Variants in ME3 observed in about 807,000 individuals in gnomAD.
The protein encoded by ME3 is NADP-dependent malic enzyme, mitochondrial.
In ME3, 48 loss-of-function variants were observed where a neutral mutation model predicts 68.9. That is an observed-to-expected ratio of 0.70 (90% confidence interval 0.55 to 0.89). The LOEUF (loss-of-function observed/expected upper bound fraction) is 0.89, where lower values mean the gene tolerates loss of function less well. Ranked by LOEUF, ME3 falls within the 40% of genes least tolerant of loss-of-function variation. The pLI is 0.00. For missense variants in ME3, 675 were observed against 797.4 expected, an observed-to-expected ratio of 0.85 and a Z score of 1.85; for synonymous variants, 320 against 318.8, an observed-to-expected ratio of 1.00 and a Z score of -0.04.
rs138510266 is a variant in ME3, at chr11:86,671,715, C to T, written c.183+47G>A. 17 of 1,587,576 alleles carry T rather than the reference C, an allele frequency of 1.1e-5. No individual in the cohort carries two copies. The East Asian group carries it at 3.9e-4, about 36-fold the overall frequency. The stretch of plus-strand genomic sequence containing the variant: ...CAGGGGGCGGGGCGCAATTTTCCGG[C>T]AGCCACGGGATCGCAACGCGGGCCG... On this transcript the variant is annotated intron_variant, in intron 2 of 14. Transcript: ENST00000543262.
intron 4 of ME3, among the ~76,000 whole-genome samples, 166 bp downstream of exon 4, chr11:86,556,387 C>T (rs542151927): frequency 6.0e-5 from 9 of 150,642 alleles, no homozygotes; most frequent in Middle Eastern, 3.4e-3. Flanking sequence ...TCTCTGCTTA[C>T]GGGGTCATTT....
At chr11:86,455,244 A>G (rs549762668) in intron 8 of ME3, among the ~76,000 whole-genome samples, 1 of 152,394 alleles carries the variant, frequency 6.6e-6, no homozygotes, top group South Asian at 2.1e-4. Flanking sequence ...AGATGAATCA[A>G]ACATGATCCC....
intron 2 of ME3, among the ~76,000 whole-genome samples, chr11:86,620,704 C>A (rs577093004): frequency 6.6e-6 from 1 of 152,188 alleles, no homozygotes; most frequent in Non-Finnish European, 1.5e-5. Flanking sequence ...ACCTTTATGC[C>A]TTCAAGAAGA....
intron 4 of ME3, among the ~76,000 whole-genome samples, chr11:86,517,193 G>A (rs549255063): frequency 2.8e-4 from 43 of 152,188 alleles, no homozygotes; most frequent in Non-Finnish European, 4.7e-4. Context: ...AGCACAGCCC[G>A]GTGACCTGCT....
rs111301996 is a variant in ME3 at position 86,619,661 on chromosome 11, A to G, written c.183+52101T>C. ...CCTCTGCCATGTAAGACGTGCTTCTACCTTCTGCCATGACTGTGAGACTTC... is the reference window on the plus strand; with the variant it reads ...CCTCTGCCATGTAAGACGTGCTTCTGCCTTCTGCCATGACTGTGAGACTTC... On this transcript the variant is annotated intron_variant, in intron 2 of 14. Transcript: ENST00000543262. Among the ~76,000 whole-genome samples, 500 of 152,292 alleles carry G rather than the reference A, an allele frequency of 3.3e-3. 3 individuals carry two copies. Among genetic ancestry groups the G allele is most frequent in the African/African-American group, 0.011 (452 of 41,546 alleles).
chr11:86,537,139 G>T (rs1955729067), intron 4 of ME3, among the ~76,000 whole-genome samples: 1 of 149,210 alleles, frequency 6.7e-6, no homozygotes. Context: ...ACTGTTGTGG[G>T]GTGGGGGGAT....
intron 2 of ME3, among the ~76,000 whole-genome samples, chr11:86,625,362 G>A (rs908019525): frequency 2.6e-5 from 4 of 151,742 alleles, no homozygotes; most frequent in Non-Finnish European, 5.9e-5. Flanking sequence ...AAGACCCCAA[G>A]GAACATCAAC....
At chr11:86,480,336 G>A (rs1951327134) in intron 7 of ME3, among the ~76,000 whole-genome samples, 1 of 152,190 alleles carries the variant, frequency 6.6e-6, no homozygotes, top group African/African-American at 2.4e-5. Flanking sequence ...CTCTTTGCTG[G>A]CAAAATGTAT....
chr11:86,482,519 T>C (rs1335388071), intron 7 of ME3, among the ~76,000 whole-genome samples: 1 of 151,468 alleles, frequency 6.6e-6, no homozygotes, highest in African/African-American at 2.4e-5. Context: ...GTCTCTGACA[T>C]TGGTGGCCCC....
At chr11:86,515,757 C>T (rs1024268238) in intron 4 of ME3, among the ~76,000 whole-genome samples, 1 of 152,088 alleles carries the variant, frequency 6.6e-6, no homozygotes, top group Non-Finnish European at 1.5e-5. Flanking sequence ...TCTCTGTATT[C>T]CACAGCTGGG....
intron 2 of ME3, among the ~76,000 whole-genome samples, chr11:86,600,082 G>C (rs1960329962): frequency 6.6e-6 from 1 of 152,098 alleles, no homozygotes; most frequent in Non-Finnish European, 1.5e-5. Flanking sequence ...ATAATGACAG[G>C]ATCAAATTCA....
At chr11:86,612,579 T>G (rs1487060270) in intron 2 of ME3, among the ~76,000 whole-genome samples, 1 of 152,220 alleles carries the variant, frequency 6.6e-6, no homozygotes, top group African/African-American at 2.4e-5. Flanking sequence ...CATCTATTGT[T>G]TCCAGACTTT....
chr11:86,617,045 G>GGTTTT (rs1943007630), intron 2 of ME3, among the ~76,000 whole-genome samples: 2 of 56,300 alleles, frequency 3.6e-5, no homozygotes, highest in African/African-American at 1.3e-4. Flanking sequence ...CAAGATAGTA[G>GGTTTT]TTTTTTTTTT....
At chr11:86,543,103 C>G (rs1321407595) in intron 4 of ME3, among the ~76,000 whole-genome samples, 1 of 152,156 alleles carries the variant, frequency 6.6e-6, no homozygotes, top group Non-Finnish European at 1.5e-5. Flanking sequence ...CAAGCAAATG[C>G]TGAGAGATTT....
chr11:86,531,669 A>C (rs1291173827), intron 4 of ME3, among the ~76,000 whole-genome samples: 4 of 152,226 alleles, frequency 2.6e-5, no homozygotes, highest in African/African-American at 7.2e-5. Flanking sequence ...CTATGCAGCC[A>C]TAAAAAATGA....
intron 4 of ME3, among the ~76,000 whole-genome samples, chr11:86,549,379 A>G (rs902405781): frequency 2.0e-5 from 3 of 152,078 alleles, no homozygotes; most frequent in African/African-American, 7.2e-5. Context: ...TTCCAGGTCT[A>G]TTACTTTCTG....
At chr11:86,518,377 CAT>C (rs1038225387) in intron 4 of ME3, among the ~76,000 whole-genome samples, 2 of 149,768 alleles carry the variant, frequency 1.3e-5, no homozygotes, top group African/African-American at 5.0e-5. Context: ...CTTGAATAAA[CAT>C]ACTTAACAAA....
chr11:86,481,590 G>T (rs1452712983), intron 7 of ME3, among the ~76,000 whole-genome samples: 3 of 152,094 alleles, frequency 2.0e-5, no homozygotes, highest in African/African-American at 7.2e-5. Context: ...TGGGTGTGGG[G>T]GTGGAGTGTA....
chr11:86,498,491 A>C (rs1017298303), intron 5 of ME3, among the ~76,000 whole-genome samples: 1 of 152,196 alleles, frequency 6.6e-6, no homozygotes, highest in African/African-American at 2.4e-5. Flanking sequence ...GAAGGGCATA[A>C]TTAAAGGAGA....
Sources: allele counts gnomAD v4.1 joint callset (sites outside exome capture counted in the v4.1 genomes callset), GRCh38; gene constraint gnomAD v4.1.1; transcripts MANE v1.5; gene names NCBI Gene and HGNC (gene_info 2026-07-23, HGNC 2026-07-21).